The following EDA variants were observed in gnomAD, a reference collection of about 807,000 sequenced individuals.
The protein encoded by EDA is ectodysplasin-A.
A neutral mutation model predicts 23.6 loss-of-function variants in EDA; 2 were observed. The observed-to-expected ratio is 0.08, with a 90% CI of 0.03 to 0.27. EDA has a LOEUF of 0.27. EDA is among the 10% of genes least tolerant of loss of function. The pLI, the probability that EDA is intolerant of heterozygous loss-of-function variation, is 1.00. For synonymous variants in EDA, 131 were observed against 132.0 expected (o/e 0.99, Z 0.05); for missense variants, 229 against 324.2 (o/e 0.71, Z 2.26).
At chrX:69,702,274 G>T (rs1288405744) in intron 1 of EDA, among the ~76,000 whole-genome samples, 1 of 110,800 alleles carries the variant, frequency 9.0e-6, no homozygotes, top group Non-Finnish European at 1.9e-5. Context: ...AGCCGGAAGT[G>T]GTTCTTGCCG....
At chrX:69,640,513 A>G (rs1307460474) in intron 1 of EDA, among the ~76,000 whole-genome samples, 1 of 111,062 alleles carries the variant, frequency 9.0e-6, no homozygotes, top group Non-Finnish European at 1.9e-5. Flanking sequence ...TGGTATGGGT[A>G]TGGAGTTACC....
intron 1 of EDA, among the ~76,000 whole-genome samples, chrX:69,711,058 G>C (rs1201933471): frequency 2.8e-4 from 31 of 110,496 alleles, no homozygotes; most frequent in Admixed American, 1.2e-3. Context: ...AGAGGGCATC[G>C]CTGTCTTGTG....
chrX:69,980,343 A>G (rs925128850), intron 2 of EDA, among the ~76,000 whole-genome samples: 10 of 111,936 alleles, frequency 8.9e-5, no homozygotes, highest in Non-Finnish European at 1.9e-4. Flanking sequence ...TGGTCTCTCC[A>G]ATAACAGACT....
chrX:69,645,925 T>C (rs1301295975), intron 1 of EDA, among the ~76,000 whole-genome samples: 3 of 110,602 alleles, frequency 2.7e-5, no homozygotes, highest in African/African-American at 9.9e-5. Context: ...ACTTCTTGAT[T>C]TCTGCCTTAA....
intron 1 of EDA, among the ~76,000 whole-genome samples, chrX:69,751,894 T>C (rs369696638): frequency 3.7e-4 from 40 of 109,533 alleles, no homozygotes; most frequent in African/African-American, 1.1e-3. Flanking sequence ...ATTCCTGTTA[T>C]AGGAATGCTT....
chrX:69,982,796 A>C (rs1281365738), intron 2 of EDA, among the ~76,000 whole-genome samples: 1 of 87,938 alleles, frequency 1.1e-5, no homozygotes, highest in African/African-American at 4.3e-5. Context: ...AGCTGAGTTC[A>C]ATTCCTGGGT....
intron 2 of EDA, among the ~76,000 whole-genome samples, chrX:70,016,963 A>T (rs1418270309): frequency 9.0e-6 from 1 of 111,298 alleles, no homozygotes; most frequent in Non-Finnish European, 1.9e-5. Flanking sequence ...CACTAGCTAG[A>T]GTAATAAAGA....
chrX:69,634,645 T>C (rs1429026818), intron 1 of EDA, among the ~76,000 whole-genome samples: 2 of 109,454 alleles, frequency 1.8e-5, no homozygotes, highest in Non-Finnish European at 3.8e-5. Flanking sequence ...CCTCTCCTCT[T>C]TTGGTTTCCA....
intron 5 of EDA, 74 bp downstream of exon 5, chrX:70,029,612 T>G: frequency 1.9e-6 from 2 of 1,065,327 alleles, no homozygotes; most frequent in Non-Finnish European, 2.6e-6. Context: ...ATTAGCTTCT[T>G]ATTAGATTTC....
intron 2 of EDA, among the ~76,000 whole-genome samples, chrX:70,005,635 T>C (rs1173337234): frequency 9.2e-6 from 1 of 108,737 alleles, no homozygotes; most frequent in Non-Finnish European, 1.9e-5. Flanking sequence ...AAAGTGGGAC[T>C]GGAGAAGGGC....
chrX:69,991,577 G>A (rs2019589560), intron 2 of EDA, among the ~76,000 whole-genome samples: 2 of 111,592 alleles, frequency 1.8e-5, no homozygotes, highest in Non-Finnish European at 3.8e-5. Flanking sequence ...CCCAGAGCTT[G>A]TGGGCTTTCC....
At chrX:70,015,519 G>A (rs936551948) in intron 2 of EDA, among the ~76,000 whole-genome samples, 4 of 111,417 alleles carry the variant, frequency 3.6e-5, no homozygotes, top group Non-Finnish European at 5.7e-5. Context: ...GTTGCAGTGA[G>A]CCGAGATCAC....
chrX:69,729,433 A>T (rs2147354926), intron 1 of EDA, among the ~76,000 whole-genome samples: 1 of 111,282 alleles, frequency 9.0e-6, no homozygotes, highest in South Asian at 3.8e-4. Context: ...TCAACTTAAC[A>T]TTCTATGTAT....
chrX:69,981,598 CG>C (rs1173830921), intron 2 of EDA, among the ~76,000 whole-genome samples: 1 of 111,393 alleles, frequency 9.0e-6, no homozygotes, highest in Non-Finnish European at 1.9e-5. Flanking sequence ...TACATGGTCA[CG>C]TGGGAGAAAC....
intron 1 of EDA, among the ~76,000 whole-genome samples, chrX:69,633,550 T>C (rs905022682): frequency 1.8e-5 from 2 of 111,929 alleles, no homozygotes; most frequent in Non-Finnish European, 3.8e-5. Context: ...ACCACTAATC[T>C]ACTTTCTGCC....
rs747918122 is a variant in EDA at position 69,737,738 on chromosome X, T to A, written c.396+121034T>A. Among the ~76,000 whole-genome samples the A allele has an allele frequency of 3.6e-5, 4 of 112,277 alleles. No individual in the cohort carries two copies. In the East Asian group the frequency reaches 1.1e-3, roughly 31 times the overall value. ...TGCCTGAAGAGCTTAATTTAAAATT[T>A]CTTGCAGTGTAAGTCTGCTGGTAAT... On this transcript the variant is annotated intron_variant, in intron 1 of 7. Transcript: ENST00000374552.
chrX:69,967,930 A>G (rs1261779814), intron 2 of EDA, among the ~76,000 whole-genome samples: 1 of 111,937 alleles, frequency 8.9e-6, no homozygotes, highest in Admixed American at 9.5e-5. Context: ...TAGTTGGGGC[A>G]GAAGGGTTCA....
chrX:69,916,421 GA>G, intron 1 of EDA, among the ~76,000 whole-genome samples: 1 of 7,400 alleles, frequency 1.4e-4, no homozygotes, highest in South Asian at 4.5e-3. Context: ...TTTTTTTTTT[GA>G]GACGGAGTCT....
intron 1 of EDA, among the ~76,000 whole-genome samples, chrX:69,746,199 C>T (rs754603973): frequency 4.5e-5 from 5 of 110,876 alleles, no homozygotes; most frequent in Non-Finnish European, 9.4e-5. Flanking sequence ...ATTGTTTGCA[C>T]TGTAGCTGCC....
Sources: allele counts gnomAD v4.1 joint callset (sites outside exome capture counted in the v4.1 genomes callset), GRCh38; gene constraint gnomAD v4.1.1; transcripts MANE v1.5; gene names NCBI Gene and HGNC (gene_info 2026-07-23, HGNC 2026-07-21).